SYK: variants seen among roughly 807,000 people sequenced by gnomAD.
SYK encodes the protein tyrosine-protein kinase SYK.
Under a neutral mutation model 77.8 loss-of-function variants are expected in SYK, and 16 were observed. The ratio of observed to expected loss-of-function variants is 0.21; its 90% CI spans 0.14 to 0.31. The LOEUF (loss-of-function observed/expected upper bound fraction) is 0.31, where lower values mean the gene tolerates loss of function less well. Ranked by LOEUF, SYK falls within the 10% of genes least tolerant of loss-of-function variation. The pLI is 1.00. For missense variants in SYK, 529 were observed against 814.4 expected, an observed-to-expected ratio of 0.65 and a Z score of 4.26; for synonymous variants, 312 against 308.7, an observed-to-expected ratio of 1.01 and a Z score of -0.11.
At chr9:90,873,588 G>C (rs1445526415) in intron 7 of SYK, among the ~76,000 whole-genome samples, 2 of 152,128 alleles carry the variant, frequency 1.3e-5, no homozygotes, top group Admixed American at 6.5e-5. Context: ...GTGGCAGCTG[G>C]AGCATTGCTG....
intron 1 of SYK, among the ~76,000 whole-genome samples, chr9:90,805,679 G>A (rs974950622): frequency 6.6e-6 from 1 of 152,038 alleles, no homozygotes; most frequent in Non-Finnish European, 1.5e-5. Context: ...TTTTCCCATG[G>A]TCAACCTGGT....
intron 1 of SYK, among the ~76,000 whole-genome samples, chr9:90,807,376 G>A (rs905064322): frequency 3.9e-5 from 6 of 152,168 alleles, no homozygotes; most frequent in African/African-American, 7.2e-5. Flanking sequence ...GACATTTATC[G>A]AATATTTTTG....
intron 1 of SYK, among the ~76,000 whole-genome samples, chr9:90,806,958 T>C (rs1383608420): frequency 6.7e-6 from 1 of 148,314 alleles, no homozygotes; most frequent in Non-Finnish European, 1.5e-5. Context: ...TCTCCTCGAT[T>C]TCCTTGATTG....
rs567085957 is a variant in SYK, at chr9:90,879,817, G to A, written c.1581+864G>A. 4.8e-5 allele frequency among the ~76,000 whole-genome samples: 7 copies of A among 145,882 alleles called. No homozygotes were observed. The South Asian group carries it at 1.3e-3, about 26-fold the overall frequency. ...AGAAACTAGTTCTGGGTGCAGGTTTGGACTTCCTAAAAAATAATTTCACAG... is the reference window on the plus strand; with the variant it reads ...AGAAACTAGTTCTGGGTGCAGGTTTAGACTTCCTAAAAAATAATTTCACAG... On this transcript the variant is annotated intron_variant, in intron 11 of 13. Coordinates refer to ENST00000375754, the MANE Select transcript of SYK (RefSeq NM_003177.7).
In SYK at chr9:90,884,401, A is replaced by G. The variant is rs375934385; in HGVS notation, c.1582-3348A>G. On this transcript the variant is annotated intron_variant, in intron 11 of 13. Transcript: ENST00000375754. ...TACGTGTATATATGCATACATACACATATGTGTATATATACATACATATAC... is the reference window on the plus strand; with the variant it reads ...TACGTGTATATATGCATACATACACGTATGTGTATATATACATACATATAC... Among the ~76,000 whole-genome samples the G allele has an allele frequency of 2.6e-4, 14 of 53,396 alleles. 1 individual carries two copies. Among genetic ancestry groups the G allele is most frequent in the Non-Finnish European group, 4.3e-4 (10 of 23,282 alleles). 35.0% of individuals were successfully genotyped at this position (53,396 alleles called of 152,430 possible).
Position 90,896,162 on chromosome 9 carries a change from T to G in SYK, c.*562T>G. 4.3e-6 allele frequency: 1 copy of G among 231,392 alleles called. No homozygotes were observed. The highest frequency in any genetic ancestry group is 8.5e-6 in the Non-Finnish European group (1 of 117,666). The allele number at this position is 231,392 out of a possible 1,614,324, so 14.3% of individuals were successfully genotyped here. Reference sequence around the variant, plus strand: ...TAAAAAGAAAATCAAGTTTGACCAGTGCAGTTTCTAAGCATGTAGCCAGTT... The same window carrying G: ...TAAAAAGAAAATCAAGTTTGACCAGGGCAGTTTCTAAGCATGTAGCCAGTT... On this transcript the variant is annotated 3_prime_UTR_variant, in exon 14 of 14. Transcript: ENST00000375754.
At chr9:90,876,114 C>T (rs988938546) in intron 9 of SYK, among the ~76,000 whole-genome samples, 6 of 151,916 alleles carry the variant, frequency 3.9e-5, no homozygotes, top group Non-Finnish European at 5.9e-5. Flanking sequence ...GGTAAAACCT[C>T]GTCTCCACTA....
chr9:90,866,124 C>T (rs796406818), intron 6 of SYK, among the ~76,000 whole-genome samples: 2 of 152,302 alleles, frequency 1.3e-5, no homozygotes, highest in African/African-American at 4.8e-5. Flanking sequence ...TGGTCTCGAT[C>T]TCCTAACCTC....
At chr9:90,875,061 C>T (rs79882550) in intron 9 of SYK, among the ~76,000 whole-genome samples, 210 of 151,874 alleles carry the variant, frequency 1.4e-3, no homozygotes, top group African/African-American at 4.9e-3. Flanking sequence ...AGTACATGCA[C>T]CTTATGGAAA....
chr9:90,834,472 G>T (rs371751425), intron 1 of SYK, among the ~76,000 whole-genome samples: 2 of 152,162 alleles, frequency 1.3e-5, no homozygotes, highest in African/African-American at 4.8e-5. Flanking sequence ...GGTCGCCAGC[G>T]TTCCCGATTC....
chr9:90,869,097 A>G (rs1827627525), intron 7 of SYK, among the ~76,000 whole-genome samples: 1 of 152,236 alleles, frequency 6.6e-6, no homozygotes, highest in African/African-American at 2.4e-5. Context: ...AATGCTGGCA[A>G]TGCTGGTTGC....
At chr9:90,816,520 T>C (rs1825298387) in intron 1 of SYK, among the ~76,000 whole-genome samples, 1 of 152,212 alleles carries the variant, frequency 6.6e-6, no homozygotes, top group Non-Finnish European at 1.5e-5. Flanking sequence ...CCAGTAATAC[T>C]TAAAAATTTT....
chr9:90,869,272 TCTG>T (rs1827634773), intron 7 of SYK, among the ~76,000 whole-genome samples: 1 of 151,674 alleles, frequency 6.6e-6, no homozygotes, highest in Non-Finnish European at 1.5e-5. Context: ...AAAATACCTT[TCTG>T]GCAAAAAAAA....
At chr9:90,879,001 C>A (rs760612847) in intron 11 of SYK, 48 bp downstream of exon 11, 1 of 1,365,886 alleles carries the variant, frequency 7.3e-7, no homozygotes, top group Admixed American at 2.0e-5. Context: ...GTAAAAAATG[C>A]AAGATAAATG....
chr9:90,896,432 A>G lies in SYK; in HGVS notation c.*832A>G, dbSNP rs1329651033. 4.3e-6 allele frequency: 1 copy of G among 233,186 alleles called. No individual in the cohort carries two copies. Among genetic ancestry groups the G allele is most frequent in the Admixed American group, 5.6e-5 (1 of 17,772 alleles). 14.4% of individuals were successfully genotyped at this position (233,186 alleles called of 1,614,324 possible). ...CCCATCCCCCAGCATCTCACTGAGG[A>G]CAGCTTCAGGCTGCCTTCCTCTGAA... On this transcript the variant is annotated 3_prime_UTR_variant, in exon 14 of 14. Coordinates refer to ENST00000375754, the MANE Select transcript of SYK (RefSeq NM_003177.7).
intron 1 of SYK, among the ~76,000 whole-genome samples, chr9:90,816,666 A>G (rs1054519991): frequency 6.6e-6 from 1 of 152,220 alleles, no homozygotes; most frequent in Non-Finnish European, 1.5e-5. Flanking sequence ...TCTATCTGCA[A>G]CTTTGTAGTC....
intron 9 of SYK, among the ~76,000 whole-genome samples, chr9:90,875,654 A>G (rs1281967299): frequency 6.6e-6 from 1 of 152,180 alleles, no homozygotes; most frequent in African/African-American, 2.4e-5. Flanking sequence ...TTGATTCCAA[A>G]TATGATTAGT....
chr9:90,882,955 T>C (rs1378407584), intron 11 of SYK, among the ~76,000 whole-genome samples: 1 of 152,084 alleles, frequency 6.6e-6, no homozygotes, highest in Admixed American at 6.5e-5. Context: ...TCGACCCACG[T>C]GGGCCTTAAG....
At chr9:90,881,737 G>A (rs1790967533) in intron 11 of SYK, among the ~76,000 whole-genome samples, 1 of 151,492 alleles carries the variant, frequency 6.6e-6, no homozygotes, top group South Asian at 2.1e-4. Flanking sequence ...AGCTGTGGAA[G>A]CAAACGAACG....
Sources: allele counts gnomAD v4.1 joint callset (sites outside exome capture counted in the v4.1 genomes callset), GRCh38; gene constraint gnomAD v4.1.1; transcripts MANE v1.5; gene names NCBI Gene and HGNC (gene_info 2026-07-23, HGNC 2026-07-21).